The following KCNJ2 variants were observed in gnomAD, a reference collection of about 807,000 sequenced individuals.
The protein encoded by KCNJ2 is inward rectifier potassium channel 2.
KCNJ2 carries 12 observed loss-of-function variants against 28.4 expected under a neutral mutation model. That is an observed-to-expected ratio of 0.42 (90% CI 0.27 to 0.68). The LOEUF is 0.68. Ranked by LOEUF, KCNJ2 falls within the 30% of genes least tolerant of loss-of-function variation. The pLI, the probability that KCNJ2 is intolerant of heterozygous loss-of-function variation, is 0.23. For missense variants in KCNJ2, 320 were observed against 551.3 expected (o/e 0.58, Z 4.20); for synonymous variants, 200 against 203.2 (o/e 0.98, Z 0.13).
At chr17:70,173,761 T>C (rs2074377034) in intron 1 of KCNJ2, among the ~76,000 whole-genome samples, 1 of 152,212 alleles carries the variant, frequency 6.6e-6, no homozygotes, top group South Asian at 2.1e-4. Context: ...CCTTACACAG[T>C]TGTCTCTGTC....
intron 1 of KCNJ2, among the ~76,000 whole-genome samples, chr17:70,174,094 T>G (rs1469115176): frequency 1.3e-5 from 2 of 152,112 alleles, no homozygotes; most frequent in Non-Finnish European, 2.9e-5. Context: ...TGGGATCCAT[T>G]TCAGATTATT....
rs527277177 is a variant in KCNJ2 at position 70,175,881 on chromosome 17, A to C, written c.842A>C (p.Asp281Ala). The C allele has an allele frequency of 6.2e-7, 1 of 1,614,134 alleles. No individual in the cohort carries two copies. The highest frequency in any genetic ancestry group is 1.3e-5 in the African/African-American group (1 of 75,048). Residue 281 changes from aspartate to alanine, a missense_variant, in exon 2 of 2, where the codon GAT becomes GCT. By Grantham distance (126) the Asp-to-Ala change is moderately radical. Transcript: ENST00000243457. This position sits in a 1 kb window ranked among gnomAD's most constrained non-coding sequence, Gnocchi z 8.3. ...ATAGATGAAGACAGTCCTTTATATG[A>C]TTTGAGTAAACAGGACATTGACAAC... The part of the protein sequence containing the change: ...HEIDEDSPLY[D>A]LSKQDIDNAD...
rs771965504 is a variant in KCNJ2 at position 70,175,571 on chromosome 17, G to T, written c.532G>T (p.Ala178Ser). The T allele has an allele frequency of 1.2e-6, 2 of 1,614,130 alleles. No homozygotes were observed. The highest frequency in any genetic ancestry group is 1.1e-5 in the South Asian group (1 of 91,082). The change falls in exon 2 of 2, where the codon GCA becomes TCA. Residue 178 changes from alanine (A) to serine (S), a missense_variant. Coordinates refer to ENST00000243457, the MANE Select transcript of KCNJ2 (RefSeq NM_000891.3). The surrounding 1 kb of genome is among the most constrained non-coding windows in gnomAD (Gnocchi z 8.3). ...GCIIDAFIIGAVMAKMAKPKK... is the reference protein window; with the variant it reads ...GCIIDAFIIGSVMAKMAKPKK... The stretch of plus-strand genomic sequence containing the variant: ...CATCATCGATGCTTTCATCATTGGC[G>T]CAGTCATGGCCAAGATGGCAAAGCC...
chr17:70,174,757 T>C, intron 1 of KCNJ2, 67 bp from the exon 2 acceptor site: 1 of 484,424 alleles, frequency 2.1e-6, no homozygotes, highest in South Asian at 2.3e-5. Context: ...TAGGATATAT[T>C]GTCTTAGACA....
Position 70,176,096 on chromosome 17 carries a change from A to G in KCNJ2, c.1057A>G (p.Thr353Ala), listed in dbSNP as rs765979891. 2 of 1,613,856 alleles carry G rather than the reference A, an allele frequency of 1.2e-6. No individual in the cohort carries two copies. Among genetic ancestry groups the G allele is most frequent in the Non-Finnish European group, 1.7e-6 (2 of 1,179,966 alleles). ...CCACAAAACTTACGAAGTCCCCAAC[A>G]CTCCCCTTTGTAGTGCCAGAGACTT... ...RFHKTYEVPN[T>A]PLCSARDLAE... is the part of the protein sequence containing the mutation. Residue 353 changes from threonine (T) to alanine (A), a missense_variant, in exon 2 of 2, where the codon ACT (threonine) becomes GCT (alanine). Coordinates refer to ENST00000243457, the MANE Select transcript of KCNJ2 (RefSeq NM_000891.3).
chr17:70,178,352 A>T lies in KCNJ2; in HGVS notation c.*2029A>T, dbSNP rs1250811915. 6.0e-6 allele frequency: 1 copy of T among 167,062 alleles called. No individual in the cohort carries two copies. The highest frequency in any genetic ancestry group is 1.5e-5 in the Non-Finnish European group (1 of 68,112). The allele number at this position is 167,062 out of a possible 1,614,324, so 10.3% of individuals were successfully genotyped here. ...GAGATGTTAAGCAAGTGGTTGTTTT[A>T]GATCCAAATGTAAAGGCAGGTTTGG... On this transcript the variant is annotated 3_prime_UTR_variant, in exon 2 of 2. Coordinates refer to ENST00000243457, the MANE Select transcript of KCNJ2 (RefSeq NM_000891.3).
At chr17:70,170,426 T>C (rs149614212) in intron 1 of KCNJ2, among the ~76,000 whole-genome samples, 7 of 152,018 alleles carry the variant, frequency 4.6e-5, no homozygotes, top group African/African-American at 9.7e-5. Context: ...AAAGATTGCA[T>C]CATAGCGTGG....
Position 70,175,088 on chromosome 17 carries a change from G to C in KCNJ2, c.49G>C (p.Asp17His), listed in dbSNP as rs1331601602. ...CTACAGCATCGTCTCTTCAGAAGAAGACGGTATGAAGTTGGCCACCATGGC... is the reference window on the plus strand; with the variant it reads ...CTACAGCATCGTCTCTTCAGAAGAACACGGTATGAAGTTGGCCACCATGGC... ...NRYSIVSSEEDGMKLATMAVA... is the reference protein window; with the variant it reads ...NRYSIVSSEEHGMKLATMAVA... Residue 17 changes from aspartate (D) to histidine (H), a missense_variant, in exon 2 of 2, where the codon GAC becomes CAC. This residue lies in a region of KCNJ2 where 54 missense variants were observed against 63.0 expected (regional missense o/e 0.86). Transcript: ENST00000243457. The surrounding 1 kb of genome is among the most constrained non-coding windows in gnomAD (Gnocchi z 8.3). 1 of 1,614,220 alleles carries C rather than the reference G, an allele frequency of 6.2e-7. No homozygotes were observed.
chr17:70,170,646 T>C (rs921494985), intron 1 of KCNJ2, among the ~76,000 whole-genome samples: 19 of 152,234 alleles, frequency 1.2e-4, no homozygotes, highest in African/African-American at 4.3e-4. Flanking sequence ...TATCATTTGT[T>C]TTCTTTTCAC....
rs930806279 is a variant in KCNJ2 at position 70,175,844 on chromosome 17, A to G, written c.805A>G (p.Ile269Val). 1.2e-6 allele frequency: 2 copies of G among 1,614,190 alleles called. No homozygotes were observed. Among genetic ancestry groups the G allele is most frequent in the Admixed American group, 1.7e-5 (1 of 60,030 alleles). ...TATATTTCTGGTGTCCCCAATCACT[A>G]TAGTCCATGAAATAGATGAAGACAG... ...DRIFLVSPIT[I>V]VHEIDEDSPL... The change falls in exon 2 of 2, where the codon ATA (isoleucine) becomes GTA (valine). Residue 269 changes from isoleucine (I) to valine (V), a missense_variant. Physicochemically the swap from Ile to Val is conservative, Grantham distance 29. Coordinates refer to ENST00000243457, the MANE Select transcript of KCNJ2 (RefSeq NM_000891.3). This position sits in a 1 kb window ranked among gnomAD's most constrained non-coding sequence, Gnocchi z 8.3.
chr17:70,171,229 C>A (rs2074363560), intron 1 of KCNJ2, among the ~76,000 whole-genome samples: 1 of 152,210 alleles, frequency 6.6e-6, no homozygotes, highest in South Asian at 2.1e-4. Flanking sequence ...AGGGGGCTCA[C>A]ACGTAGATAG....
Position 70,176,704 on chromosome 17 carries a change from GA to G in KCNJ2, c.*385del. On this transcript the variant is annotated 3_prime_UTR_variant, in exon 2 of 2. Coordinates refer to ENST00000243457, the MANE Select transcript of KCNJ2 (RefSeq NM_000891.3). Reference sequence around the variant, plus strand: ...AAGGCAAGACTCTGCCTTAATTTTTGAAAAGCTGCTAACTACATGAACACAA... The same window carrying G: ...AAGGCAAGACTCTGCCTTAATTTTTGAAAGCTGCTAACTACATGAACACAA... 3.6e-6 allele frequency: 1 copy of G among 277,910 alleles called. No individual in the cohort carries two copies. Among genetic ancestry groups the G allele is most frequent in the Non-Finnish European group, 7.5e-6 (1 of 134,138 alleles). The allele number at this position is 277,910 out of a possible 1,614,324, so 17.2% of individuals were successfully genotyped here.
Position 70,169,539 on chromosome 17 carries a change from A to C in KCNJ2, c.-379A>C, listed in dbSNP as rs889078256. The C allele has an allele frequency of 2.0e-5, 3 of 152,248 alleles. No individual in the cohort carries two copies. The highest frequency in any genetic ancestry group is 6.5e-5 in the Admixed American group (1 of 15,286). 9.4% of individuals were successfully genotyped at this position (152,248 alleles called of 1,614,324 possible). Reference sequence around the variant, plus strand: ...AAGAGCCCAGGATATTGCAGAGCGCACTGGAGCCCTGGCCAGCGCGCAGCC... The same window carrying C: ...AAGAGCCCAGGATATTGCAGAGCGCCCTGGAGCCCTGGCCAGCGCGCAGCC... On this transcript the variant is annotated 5_prime_UTR_variant, in exon 1 of 2. Coordinates refer to ENST00000243457, the MANE Select transcript of KCNJ2 (RefSeq NM_000891.3).
At position 70,175,405 on chromosome 17, in the gene KCNJ2, T is replaced by C. The variant is rs748924113; in HGVS notation, c.366T>C (p.Cys122=). ...DLDASKEGKA[C]VSEVNSFTAA... ...ATGCATCCAAAGAGGGCAAAGCTTG[T>C]GTGTCCGAGGTCAACAGCTTCACGG... is the stretch of plus-strand genomic sequence containing the variant. Residue 122 remains cysteine (C), a synonymous_variant, in exon 2 of 2, where the codon TGT becomes TGC. Coordinates refer to ENST00000243457, the MANE Select transcript of KCNJ2 (RefSeq NM_000891.3). This position sits in a 1 kb window ranked among gnomAD's most constrained non-coding sequence, Gnocchi z 8.3. 13 of 1,614,064 alleles carry C rather than the reference T, an allele frequency of 8.1e-6. No individual in the cohort carries two copies. In the African/African-American group the frequency reaches 1.6e-4, roughly 20 times the overall value.
At position 70,177,848 on chromosome 17, in the gene KCNJ2, A is replaced by G. The variant is rs1023570074; in HGVS notation, c.*1525A>G. Reference sequence around the variant, plus strand: ...AAGGAGATAATGGTCTAAAACAGCTATTTCCCTTTTCTGTGTGCATACTTA... The same window carrying G: ...AAGGAGATAATGGTCTAAAACAGCTGTTTCCCTTTTCTGTGTGCATACTTA... On this transcript the variant is annotated 3_prime_UTR_variant, in exon 2 of 2. Coordinates refer to ENST00000243457, the MANE Select transcript of KCNJ2 (RefSeq NM_000891.3). The G allele has an allele frequency of 3.0e-5, 5 of 167,024 alleles. No homozygotes were observed. Among genetic ancestry groups the G allele is most frequent in the Non-Finnish European group, 7.3e-5 (5 of 68,116 alleles). The allele number at this position is 167,024 out of a possible 1,614,324, so 10.3% of individuals were successfully genotyped here. A position where few individuals can be genotyped will look rare whatever the true frequency, so the allele number is the denominator to read the frequency against.
At chr17:70,171,911 C>G (rs2074366996) in intron 1 of KCNJ2, among the ~76,000 whole-genome samples, 1 of 152,132 alleles carries the variant, frequency 6.6e-6, no homozygotes, top group Non-Finnish European at 1.5e-5. Flanking sequence ...TTTCAATTCT[C>G]TGGATTTGTA....
chr17:70,179,068 T>A lies in KCNJ2; in HGVS notation c.*2745T>A, dbSNP rs79981269. ...AGTTACAAGCTTTAAATGGCAATTT[T>A]TTTTTTTTTTTTTTTTTTTTTTTTT... is the stretch of plus-strand genomic sequence containing the variant. On this transcript the variant is annotated 3_prime_UTR_variant, in exon 2 of 2. Coordinates refer to ENST00000243457, the MANE Select transcript of KCNJ2 (RefSeq NM_000891.3). 1.1e-5 allele frequency: 1 copy of A among 92,180 alleles called. No individual in the cohort carries two copies. The highest frequency in any genetic ancestry group is 2.0e-5 in the Non-Finnish European group (1 of 49,696). The allele number at this position is 92,180 out of a possible 1,614,324, so 5.7% of individuals were successfully genotyped here.
chr17:70,171,232 G>A (rs1352446451), intron 1 of KCNJ2, among the ~76,000 whole-genome samples: 1 of 152,166 alleles, frequency 6.6e-6, no homozygotes, highest in Admixed American at 6.5e-5. Flanking sequence ...GGGCTCACAC[G>A]TAGATAGATG....
Position 70,176,612 on chromosome 17 carries a change from G to A in KCNJ2, c.*289G>A, listed in dbSNP as rs2074395080. The A allele has an allele frequency of 6.3e-6, 3 of 477,392 alleles. No individual in the cohort carries two copies. Among genetic ancestry groups the A allele is most frequent in the Non-Finnish European group, 1.2e-5 (3 of 252,736 alleles). 29.6% of individuals were successfully genotyped at this position (477,392 alleles called of 1,614,324 possible). A position where few individuals can be genotyped will look rare whatever the true frequency, so the allele number is the denominator to read the frequency against. On this transcript the variant is annotated 3_prime_UTR_variant, in exon 2 of 2. Transcript: ENST00000243457. Reference sequence around the variant, plus strand: ...AAACTTGAACTTGCAGGCAAGCCTTGGTTGGGTATTTGATTTATCCAGAAT... The same window carrying A: ...AAACTTGAACTTGCAGGCAAGCCTTAGTTGGGTATTTGATTTATCCAGAAT...
Sources: gnomAD v4.1 joint callset for allele counts (sites outside exome capture counted in the v4.1 genomes callset) on GRCh38, gnomAD v4.1.1 for gene constraint, gnomAD v4.1.1 regional missense constraint, Gnocchi (gnomAD v3.1) non-coding constraint, MANE v1.5 for transcripts, NCBI Gene and HGNC (gene_info 2026-07-23, HGNC 2026-07-21) for gene names.